CSMD1: variants seen among roughly 807,000 people sequenced by gnomAD.
CSMD1 encodes the protein CUB and sushi domain-containing protein 1.
CSMD1 carries 213 observed loss-of-function variants against 417.5 expected under a neutral mutation model. That is an observed-to-expected ratio of 0.51 (90% CI 0.46 to 0.57). The LOEUF (loss-of-function observed/expected upper bound fraction) is 0.57, where lower values mean the gene tolerates loss of function less well. CSMD1 is among the 20% of genes least tolerant of loss of function. CSMD1 has a pLI of 0.00. For missense variants in CSMD1, 6,923 were observed against 4,529.7 expected (o/e 1.53, Z -15.17); for synonymous variants, 2,862 against 1,736.8 (o/e 1.65, Z -16.11).
chr8:3,606,884 T>A (rs1801644786), intron 8 of CSMD1, among the ~76,000 whole-genome samples: 1 of 151,964 alleles, frequency 6.6e-6, no homozygotes, highest in African/African-American at 2.4e-5. Context: ...CAAATTTTTT[T>A]GTATTTTTGT....
chr8:4,735,669 G>C (rs1810186220), intron 1 of CSMD1, among the ~76,000 whole-genome samples: 1 of 152,172 alleles, frequency 6.6e-6, no homozygotes. Context: ...TGTCTTCCAT[G>C]TGCCAGACAC....
At position 3,289,740 on chromosome 8, in the gene CSMD1, G is replaced by T. The variant is rs1194785180; in HGVS notation, c.3951-5394C>A. Among the ~76,000 whole-genome samples, 5 of 147,266 alleles carry T rather than the reference G, an allele frequency of 3.4e-5. 1 individual carries two copies. Among genetic ancestry groups the T allele is most frequent in the African/African-American group, 1.3e-4 (5 of 37,074 alleles). The stretch of plus-strand genomic sequence containing the variant: ...TCTGGATATTAGCCCTTTGTCAGAT[G>T]AGGAGGTTGCAATAATTTTCTCCCA... On this transcript the variant is annotated intron_variant, in intron 25 of 69. Transcript: ENST00000635120.
intron 3 of CSMD1, among the ~76,000 whole-genome samples, chr8:4,413,046 G>A: frequency 6.6e-6 from 1 of 151,856 alleles, no homozygotes. Flanking sequence ...CAGAAAAATA[G>A]ACTTACAAAA....
At chr8:4,710,583 C>G (rs995468520) in intron 1 of CSMD1, among the ~76,000 whole-genome samples, 2 of 151,016 alleles carry the variant, frequency 1.3e-5, no homozygotes, top group Non-Finnish European at 2.9e-5. Context: ...CGGTGGCTCA[C>G]GCTTGTGATC....
Position 2,975,592 on chromosome 8 carries a change from G to A in CSMD1, c.8567-968C>T, listed in dbSNP as rs115247099. ...ATGGACATTGATTCATTGGAGAACC[G>A]GATTTTATCCACATAGAGTCCTTAA... On this transcript the variant is annotated intron_variant, in intron 55 of 69. Coordinates refer to ENST00000635120, the MANE Select transcript of CSMD1 (RefSeq NM_033225.6). Among the ~76,000 whole-genome samples the A allele has an allele frequency of 5.8e-3, 885 of 152,236 alleles. 9 individuals carry two copies. Among genetic ancestry groups the A allele is most frequent in the African/African-American group, 0.02 (838 of 41,550 alleles).
chr8:4,143,883 G>C (rs6982149), intron 3 of CSMD1, among the ~76,000 whole-genome samples: 19,192 of 150,884 alleles, frequency 0.13, 2,585 homozygotes, highest in African/African-American at 0.26. Flanking sequence ...TCTGGATGAA[G>C]AATTTGGTCC....
intron 3 of CSMD1, among the ~76,000 whole-genome samples, chr8:4,396,130 G>T (rs1410734130): frequency 6.6e-6 from 1 of 152,022 alleles, no homozygotes; most frequent in Non-Finnish European, 1.5e-5. Context: ...ACTGTAATGG[G>T]AATGTATGCT....
intron 5 of CSMD1, among the ~76,000 whole-genome samples, chr8:3,965,790 T>G (rs1812644255): frequency 1.3e-5 from 2 of 151,974 alleles, no homozygotes; most frequent in Admixed American, 6.6e-5. Context: ...GCTAATATTT[T>G]GTACCTTTAG....
At chr8:3,496,161 T>C (rs1318072099) in intron 10 of CSMD1, among the ~76,000 whole-genome samples, 1 of 152,188 alleles carries the variant, frequency 6.6e-6, no homozygotes, top group African/African-American at 2.4e-5. Context: ...ATGCGGTGTT[T>C]GGTTTTCTAC....
intron 7 of CSMD1, among the ~76,000 whole-genome samples, chr8:3,640,846 C>T (rs1214305051): frequency 1.3e-5 from 2 of 151,926 alleles, no homozygotes; most frequent in South Asian, 2.1e-4. Flanking sequence ...TGGAATCTTA[C>T]CTCACTACTT....
At chr8:4,538,748 G>A (rs1288019014) in intron 2 of CSMD1, among the ~76,000 whole-genome samples, 2 of 152,200 alleles carry the variant, frequency 1.3e-5, no homozygotes, top group Non-Finnish European at 2.9e-5. Flanking sequence ...ATTATTTGAT[G>A]AAGGGATTTG....
At chr8:3,277,825 G>T (rs1346148697) in intron 26 of CSMD1, among the ~76,000 whole-genome samples, 5 of 152,126 alleles carry the variant, frequency 3.3e-5, no homozygotes, top group African/African-American at 9.7e-5. Context: ...GGATTGGGGG[G>T]ATGAATTATG....
chr8:3,903,585 T>C (rs1480304950), intron 5 of CSMD1, among the ~76,000 whole-genome samples: 2 of 152,204 alleles, frequency 1.3e-5, no homozygotes, highest in African/African-American at 4.8e-5. Flanking sequence ...GGTGCCTTTT[T>C]CTTCATACTT....
At chr8:4,292,850 G>A (rs1797447940) in intron 3 of CSMD1, among the ~76,000 whole-genome samples, 1 of 152,082 alleles carries the variant, frequency 6.6e-6, no homozygotes, top group South Asian at 2.1e-4. Flanking sequence ...GAATAGAGAT[G>A]GAATATTTAA....
At chr8:4,471,183 A>C (rs61555144) in intron 2 of CSMD1, among the ~76,000 whole-genome samples, 11 of 152,306 alleles carry the variant, frequency 7.2e-5, no homozygotes, top group Middle Eastern at 3.4e-3. Context: ...ATTTAATTCC[A>C]ACAACATTAT....
intron 10 of CSMD1, among the ~76,000 whole-genome samples, chr8:3,552,499 A>G (rs1289288934): frequency 6.6e-6 from 1 of 152,210 alleles, no homozygotes; most frequent in African/African-American, 2.4e-5. Flanking sequence ...TCTATCTCAG[A>G]AAACATTGCT....
intron 5 of CSMD1, among the ~76,000 whole-genome samples, chr8:3,809,204 CA>C (rs1800922591): frequency 6.6e-6 from 1 of 152,148 alleles, no homozygotes; most frequent in Non-Finnish European, 1.5e-5. Context: ...ACTTCTCACC[CA>C]TCAGGTCTCC....
chr8:4,932,407 G>C (rs1019058793), intron 1 of CSMD1, among the ~76,000 whole-genome samples: 14 of 151,820 alleles, frequency 9.2e-5, no homozygotes, highest in African/African-American at 3.4e-4. Flanking sequence ...TGTTCCTTCT[G>C]TGAGGTGAAG....
Position 3,439,281 on chromosome 8 carries a change from GTATATA to G in CSMD1, c.1561+29425_1561+29430del, listed in dbSNP as rs1168340584. ...TATTTGAGAGCATTTGGCAATGTCAGTATATATATATATATATATATATATATATTT... is the reference window on the plus strand; with the variant it reads ...TATTTGAGAGCATTTGGCAATGTCAGTATATATATATATATATATATATTT... On this transcript the variant is annotated intron_variant, in intron 12 of 69. Coordinates refer to ENST00000635120, the MANE Select transcript of CSMD1 (RefSeq NM_033225.6). Among the ~76,000 whole-genome samples, 8 of 54,342 alleles carry G rather than the reference GTATATA, an allele frequency of 1.5e-4. 1 individual carries two copies. Among genetic ancestry groups the G allele is most frequent in the South Asian group, 1.5e-3 (2 of 1,294 alleles). The allele number at this position is 54,342 out of a possible 152,430, so 35.7% of individuals were successfully genotyped here. A position where few individuals can be genotyped will look rare whatever the true frequency, so the allele number is the denominator to read the frequency against.
Sources: allele counts gnomAD v4.1 joint callset (sites outside exome capture counted in the v4.1 genomes callset), GRCh38; gene constraint gnomAD v4.1.1; transcripts MANE v1.5; gene names NCBI Gene and HGNC (gene_info 2026-07-23, HGNC 2026-07-21).